The following POLR3A variants were observed in gnomAD, a reference collection of about 807,000 sequenced individuals.
POLR3A encodes RNA polymerase III subunit A, also known as DNA-directed RNA polymerase III subunit RPC1.
In POLR3A, 112 loss-of-function variants were observed where a neutral mutation model predicts 152.8. The observed-to-expected ratio is 0.73, with a 90% CI of 0.63 to 0.86. POLR3A has a LOEUF of 0.86. POLR3A is among the 40% of genes least tolerant of loss of function. The probability of loss-of-function intolerance (pLI) is 0.00; values close to 1 mark genes in which losing one functional copy is unlikely to be tolerated. For missense variants in POLR3A, 1,385 were observed against 1,743.1 expected, an observed-to-expected ratio of 0.79 and a Z score of 3.66; for synonymous variants, 615 against 652.1, an observed-to-expected ratio of 0.94 and a Z score of 0.87.
intron 11 of POLR3A, chr10:78,013,353 T>G (rs1046109323): frequency 1.9e-5 from 8 of 415,084 alleles, no homozygotes; most frequent in African/African-American, 1.6e-4. Flanking sequence ...TTGTCATAAC[T>G]GGCCCTCATG....
intron 21 of POLR3A, among the ~76,000 whole-genome samples, chr10:77,990,703 G>A (rs1034367909): frequency 3.3e-5 from 5 of 149,406 alleles, no homozygotes; most frequent in East Asian, 2.0e-4. Flanking sequence ...TGCAACCTCC[G>A]CCTCTCAGGT....
At chr10:77,999,588 A>G (rs1847335809) in intron 19 of POLR3A, among the ~76,000 whole-genome samples, 1 of 152,190 alleles carries the variant, frequency 6.6e-6, no homozygotes, top group Admixed American at 6.5e-5. Flanking sequence ...CATTAGAGTT[A>G]ATTAGAATGA....
chr10:78,016,713 CAAA>C (rs140941978), intron 10 of POLR3A, among the ~76,000 whole-genome samples: 8 of 79,498 alleles, frequency 1.0e-4, no homozygotes, highest in Non-Finnish European at 1.1e-4. Context: ...GACTCTGTCT[CAAA>C]AAAAAAAAAA....
In POLR3A at chr10:78,005,564, G is replaced by T. The variant is rs78087700; in HGVS notation, c.2075-676C>A. 7.6e-4 allele frequency among the ~76,000 whole-genome samples: 116 copies of T among 152,366 alleles called. 1 individual carries two copies. The East Asian group carries it at 0.015, about 20-fold the overall frequency. ...GAATGAGTGGCTTCTGGCTTAGCAGGATAGGAAGGTATGACCTACAAGTAT... is the reference window on the plus strand; with the variant it reads ...GAATGAGTGGCTTCTGGCTTAGCAGTATAGGAAGGTATGACCTACAAGTAT... On this transcript the variant is annotated intron_variant, in intron 15 of 30. Transcript: ENST00000372371.
At chr10:77,999,222 A>C (rs989182284) in intron 19 of POLR3A, among the ~76,000 whole-genome samples, 1 of 152,182 alleles carries the variant, frequency 6.6e-6, no homozygotes, top group Admixed American at 6.5e-5. Flanking sequence ...TGGGTACAGC[A>C]CACCAACATG....
chr10:78,010,511 A>C lies in POLR3A; in HGVS notation c.1602T>G (p.Asn534Lys). 1 of 1,614,116 alleles carries C rather than the reference A, an allele frequency of 6.2e-7. No homozygotes were observed. Among genetic ancestry groups the C allele is most frequent in the South Asian group, 1.1e-5 (1 of 91,086 alleles). Residue 534 changes from asparagine to lysine, a missense_variant, in exon 12 of 31, where the codon AAT becomes AAG. Asn to Lys is a moderately conservative substitution (Grantham distance 94, BLOSUM62 0). Coordinates refer to ENST00000372371, the MANE Select transcript of POLR3A (RefSeq NM_007055.4). ...GTKANLVTPR[N>K]GEPLIAAIQD... ...GAATAGCAGCAATCAGCGGTTCCCCATTCCTCGGGGTTACAAGATTTGCTT... is the reference window on the plus strand; with the variant it reads ...GAATAGCAGCAATCAGCGGTTCCCCCTTCCTCGGGGTTACAAGATTTGCTT...
intron 21 of POLR3A, among the ~76,000 whole-genome samples, chr10:77,988,977 A>C (rs1429771282): frequency 1.3e-5 from 2 of 152,164 alleles, no homozygotes; most frequent in Non-Finnish European, 2.9e-5. Flanking sequence ...AACACACCTA[A>C]AACAATCTGC....
At chr10:77,984,505 A>G (rs1179517374) in intron 24 of POLR3A, among the ~76,000 whole-genome samples, 5 of 152,136 alleles carry the variant, frequency 3.3e-5, no homozygotes, top group South Asian at 2.1e-4. Context: ...CACCACGCCC[A>G]GCTAATTTTT....
chr10:78,011,909 C>T (rs1847470217), intron 11 of POLR3A, among the ~76,000 whole-genome samples: 1 of 152,176 alleles, frequency 6.6e-6, no homozygotes, highest in South Asian at 2.1e-4. Flanking sequence ...CCATTTGTAA[C>T]CAATGAAATA....
chr10:78,022,045 A>G (rs1432767091), intron 6 of POLR3A, 23 bp from the exon 7 acceptor site: 1 of 1,614,234 alleles, frequency 6.2e-7, no homozygotes, highest in East Asian at 2.2e-5. Context: ...CAGCCCAAAC[A>G]GAAACAAACC....
intron 26 of POLR3A, 61 bp from the exon 27 acceptor site, chr10:77,982,878 G>T: frequency 6.5e-7 from 1 of 1,528,920 alleles, no homozygotes. Flanking sequence ...TTATTTCATT[G>T]TTGCCCCTCT....
chr10:78,023,701 C>T (rs1426589651), intron 5 of POLR3A, among the ~76,000 whole-genome samples: 4 of 150,452 alleles, frequency 2.7e-5, no homozygotes, highest in African/African-American at 9.8e-5. Context: ...TCACTTGAGC[C>T]TAGGAGGTCG....
Position 78,012,276 on chromosome 10 carries a change from A to C in POLR3A, c.1572+1374T>G, listed in dbSNP as rs561120755. Among the ~76,000 whole-genome samples the C allele has an allele frequency of 1.3e-3, 191 of 152,212 alleles. 1 individual carries two copies. The South Asian group carries it at 0.016, about 12-fold the overall frequency. The stretch of plus-strand genomic sequence containing the variant: ...CTACTCAGGAGGCTGAGGCAGGAGA[A>C]TCACTTGAACCTGGGAGGTAGAGGT... On this transcript the variant is annotated intron_variant, in intron 11 of 30. Transcript: ENST00000372371.
intron 15 of POLR3A, 145 bp from the exon 16 acceptor site, chr10:78,005,033 A>C: frequency 1.4e-6 from 1 of 717,040 alleles, no homozygotes; most frequent in Non-Finnish European, 2.5e-6. Flanking sequence ...GTATATCTTC[A>C]CAGAATTCAT....
intron 1 of POLR3A, among the ~76,000 whole-genome samples, chr10:78,027,474 AT>A (rs1847648137): frequency 6.6e-6 from 1 of 152,210 alleles, no homozygotes; most frequent in Non-Finnish European, 1.5e-5. Flanking sequence ...CCTGGCTAAC[AT>A]GGTGAAACCC....
rs575732794 is a variant in POLR3A at position 77,995,775 on chromosome 10, A to G, written c.2617-2408T>C. Among the ~76,000 whole-genome samples the G allele has an allele frequency of 1.8e-4, 27 of 152,322 alleles. No homozygotes were observed. The East Asian group carries it at 5.2e-3, about 29-fold the overall frequency. On this transcript the variant is annotated intron_variant, in intron 19 of 30. Coordinates refer to ENST00000372371, the MANE Select transcript of POLR3A (RefSeq NM_007055.4). ...AACGAGACAGAAAGTTAACAAGGAT[A>G]TCCAGGAATTGAACTCAGCTCTGCA... is the stretch of plus-strand genomic sequence containing the variant.
At chr10:78,010,150 C>T (rs556921277) in intron 12 of POLR3A, among the ~76,000 whole-genome samples, 159 bp from the exon 13 acceptor site, 16 of 152,308 alleles carry the variant, frequency 1.1e-4, no homozygotes, top group African/African-American at 3.6e-4. Context: ...TCTACCTCCA[C>T]AGGAACGTGA....
chr10:78,016,687 C>T (rs1188010254), intron 10 of POLR3A, among the ~76,000 whole-genome samples: 7 of 149,252 alleles, frequency 4.7e-5, no homozygotes, highest in African/African-American at 1.5e-4. Context: ...GCACACCAGC[C>T]TGGGCAATAG....
At chr10:77,997,121 C>T (rs1181812013) in intron 19 of POLR3A, among the ~76,000 whole-genome samples, 4 of 152,072 alleles carry the variant, frequency 2.6e-5, no homozygotes, top group Non-Finnish European at 5.9e-5. Flanking sequence ...ACCCTTCATG[C>T]TAAAAACTCT....
Sources: gnomAD v4.1 joint callset for allele counts (sites outside exome capture counted in the v4.1 genomes callset) on GRCh38, gnomAD v4.1.1 for gene constraint, MANE v1.5 for transcripts, NCBI Gene and HGNC (gene_info 2026-07-23, HGNC 2026-07-21) for gene names.